Variants in CSMD2 observed in about 807,000 individuals in gnomAD.
CSMD2 encodes CUB and Sushi multiple domains 2, also known as CUB and sushi domain-containing protein 2.
Under a neutral mutation model 398.5 loss-of-function variants are expected in CSMD2, and 130 were observed. The ratio of observed to expected loss-of-function variants is 0.33; its 90% CI spans 0.28 to 0.38. The LOEUF (loss-of-function observed/expected upper bound fraction) is 0.38. Ranked by LOEUF, CSMD2 falls within the 10% of genes least tolerant of loss-of-function variation. CSMD2 has a pLI of 1.00. For missense variants in CSMD2, 3,829 were observed against 4,764.9 expected (o/e 0.80, Z 5.78); for synonymous variants, 1,828 against 1,908.5 (o/e 0.96, Z 1.10).
At chr1:33,589,318 G>T (rs1639282620) in intron 44 of CSMD2, among the ~76,000 whole-genome samples, 1 of 152,176 alleles carries the variant, frequency 6.6e-6, no homozygotes, top group Non-Finnish European at 1.5e-5. Flanking sequence ...TTCATGTAAT[G>T]ATTGTCTATG....
At chr1:33,540,273 AAC>A (rs548918858) in intron 60 of CSMD2, among the ~76,000 whole-genome samples, 9,984 of 151,494 alleles carry the variant, frequency 0.066, 407 homozygotes, top group Non-Finnish European at 0.099. Flanking sequence ...TAAAAAAAAA[AAC>A]ACCCCCAATA....
intron 3 of CSMD2, among the ~76,000 whole-genome samples, chr1:33,956,864 C>T (rs1364322641): frequency 1.3e-5 from 2 of 151,954 alleles, no homozygotes; most frequent in African/African-American, 4.8e-5. Flanking sequence ...TGCTTAACAC[C>T]CCCCTAAATC....
chr1:33,723,541 T>A (rs1646428339), intron 19 of CSMD2, among the ~76,000 whole-genome samples: 1 of 152,242 alleles, frequency 6.6e-6, no homozygotes, highest in African/African-American at 2.4e-5. Context: ...AACATTTATT[T>A]ATAACCAGCA....
At chr1:34,133,173 C>T (rs1431204900) in intron 1 of CSMD2, among the ~76,000 whole-genome samples, 1 of 152,122 alleles carries the variant, frequency 6.6e-6, no homozygotes, top group Non-Finnish European at 1.5e-5. Flanking sequence ...TTTGCAATAC[C>T]ACTTGTTTCT....
chr1:33,613,978 A>G (rs563048157), intron 40 of CSMD2, among the ~76,000 whole-genome samples: 2 of 152,274 alleles, frequency 1.3e-5, no homozygotes, highest in South Asian at 4.1e-4. Context: ...AACCAAAAAA[A>G]CAACCTTCCC....
At position 33,792,514 on chromosome 1, in the gene CSMD2, C is replaced by T. The variant is rs765641437; in HGVS notation, c.1459G>A (p.Ala487Thr). 34 of 1,612,626 alleles carry T rather than the reference C, an allele frequency of 2.1e-5. No homozygotes were observed. The highest frequency in any genetic ancestry group is 5.5e-5 in the South Asian group (5 of 91,050). ...ALNPSKVIKL[A>T]FEEFDLERGY... ...CTCTCCAAATCAAACTCCTCAAAGGCGAGCTTGATCACCTAGGGAGGGAAC... is the reference window on the plus strand; with the variant it reads ...CTCTCCAAATCAAACTCCTCAAAGGTGAGCTTGATCACCTAGGGAGGGAAC... The change falls in exon 11 of 71, where the codon GCC becomes ACC. Residue 487 changes from alanine to threonine, a missense_variant. By Grantham distance (58) the Ala-to-Thr change is moderately conservative. Transcript: ENST00000373381.
intron 1 of CSMD2, among the ~76,000 whole-genome samples, chr1:34,158,818 C>G (rs1641044871): frequency 6.6e-6 from 1 of 152,182 alleles, no homozygotes; most frequent in Non-Finnish European, 1.5e-5. Context: ...ACAGCCTTGG[C>G]CCAGCTGCTT....
intron 25 of CSMD2, among the ~76,000 whole-genome samples, chr1:33,686,238 T>C (rs1236640203): frequency 1.3e-5 from 2 of 152,202 alleles, no homozygotes; most frequent in Non-Finnish European, 2.9e-5. Flanking sequence ...CCACTGATTA[T>C]TAAAAACAAA....
chr1:33,921,428 T>C (rs1476233860), intron 4 of CSMD2, among the ~76,000 whole-genome samples: 1 of 152,098 alleles, frequency 6.6e-6, no homozygotes, highest in Non-Finnish European at 1.5e-5. Context: ...AGTGGGAGAT[T>C]TGCCAATATT....
chr1:33,701,917 G>A (rs1000450927), intron 22 of CSMD2, among the ~76,000 whole-genome samples: 1 of 152,166 alleles, frequency 6.6e-6, no homozygotes. Context: ...ATTGCAGTAA[G>A]AAAGACAATC....
At chr1:33,912,905 AG>A (rs1303951717) in intron 5 of CSMD2, among the ~76,000 whole-genome samples, 2 of 152,064 alleles carry the variant, frequency 1.3e-5, no homozygotes, top group Non-Finnish European at 1.5e-5. Context: ...CTCTACCTCC[AG>A]GGCTCAGGTG....
chr1:34,129,594 G>A (rs1663115585), intron 1 of CSMD2, among the ~76,000 whole-genome samples: 2 of 152,230 alleles, frequency 1.3e-5, no homozygotes, highest in Middle Eastern at 3.2e-3. Context: ...GGAGCTTGCA[G>A]TGAGCCGAGA....
At chr1:33,922,461 C>T (rs143973862) in intron 4 of CSMD2, among the ~76,000 whole-genome samples, 100 of 152,220 alleles carry the variant, frequency 6.6e-4, no homozygotes, top group Non-Finnish European at 1.1e-3. Context: ...ATCTGGCCTG[C>T]ACATCCAGGT....
At chr1:33,779,114 T>C (rs963530352) in intron 12 of CSMD2, among the ~76,000 whole-genome samples, 13 of 152,176 alleles carry the variant, frequency 8.5e-5, no homozygotes, top group African/African-American at 2.9e-4. Context: ...TACCATCCCC[T>C]GCTCATTGAT....
chr1:33,852,837 G>T (rs1332836173), intron 5 of CSMD2, among the ~76,000 whole-genome samples: 3 of 152,246 alleles, frequency 2.0e-5, no homozygotes, highest in African/African-American at 7.2e-5. Flanking sequence ...GGTTTTACCA[G>T]ATTGCAACCA....
At chr1:34,058,409 A>T (rs114640170) in intron 2 of CSMD2, among the ~76,000 whole-genome samples, 1,737 of 152,268 alleles carry the variant, frequency 0.011, 21 homozygotes, top group Non-Finnish European at 0.017. Flanking sequence ...TGATGATATA[A>T]AAACAAATCC....
rs367875219 is a variant in CSMD2 at position 34,082,931 on chromosome 1, C to T, written c.404+6046G>A. ...CAAGTACCCAGGGACACAAACACTG[C>T]GGAAGGCCGCAGGGTCCTCTGCCTA... is the stretch of plus-strand genomic sequence containing the variant. On this transcript the variant is annotated intron_variant, in intron 2 of 70. Transcript: ENST00000373381. Among the ~76,000 whole-genome samples the T allele has an allele frequency of 3.7e-4, 56 of 152,200 alleles. No homozygotes were observed. The South Asian group carries it at 4.2e-3, about 11-fold the overall frequency.
intron 19 of CSMD2, among the ~76,000 whole-genome samples, chr1:33,720,200 T>C (rs904094863): frequency 6.6e-6 from 1 of 152,214 alleles, no homozygotes; most frequent in Non-Finnish European, 1.5e-5. Context: ...CAAATGCTTC[T>C]TGAGTTCCTT....
intron 2 of CSMD2, among the ~76,000 whole-genome samples, chr1:34,051,895 G>A (rs919218117): frequency 1.3e-5 from 2 of 152,120 alleles, no homozygotes; most frequent in African/African-American, 4.8e-5. Context: ...GGAGGTTCTG[G>A]GTGAGATTAA....
Sources: allele counts gnomAD v4.1 joint callset (sites outside exome capture counted in the v4.1 genomes callset), GRCh38; gene constraint gnomAD v4.1.1; transcripts MANE v1.5; gene names NCBI Gene and HGNC (gene_info 2026-07-23, HGNC 2026-07-21).